Variants in NAALADL2 observed in about 807,000 individuals in gnomAD.
NAALADL2 encodes inactive N-acetylated-alpha-linked acidic dipeptidase-like protein 2.
NAALADL2 carries 76 observed loss-of-function variants against 87.2 expected under a neutral mutation model. The observed-to-expected ratio is 0.87, with a 90% CI of 0.72 to 1.05. The LOEUF (loss-of-function observed/expected upper bound fraction) is 1.05. Among genes scored for constraint, NAALADL2 ranks in the 50% least tolerant of loss-of-function variants. NAALADL2 has a pLI of 0.00. For missense variants in NAALADL2, 1,089 were observed against 945.8 expected (o/e 1.15, Z -1.99); for synonymous variants, 354 against 331.0 (o/e 1.07, Z -0.75).
At chr3:174,855,132 C>T (rs1349404502), upstream of NAALADL2, among the ~76,000 whole-genome samples, 2 of 152,142 alleles carry the variant, frequency 1.3e-5, no homozygotes, top group African/African-American at 4.8e-5. Flanking sequence ...AGTCACTGTG[C>T]CCGGCCTATG....
At chr3:175,512,574 G>C (rs906360799) in intron 9 of NAALADL2, among the ~76,000 whole-genome samples, 1 of 152,124 alleles carries the variant, frequency 6.6e-6, no homozygotes, top group African/African-American at 2.4e-5. Context: ...GGTGATAACA[G>C]ATCTGCTTTT....
intron 1 of NAALADL2, among the ~76,000 whole-genome samples, chr3:174,916,329 T>TAGA (rs1308432250): frequency 6.6e-6 from 1 of 151,984 alleles, no homozygotes; most frequent in Non-Finnish European, 1.5e-5. Context: ...GAACTAAAAG[T>TAGA]AGAACTACCA....
chr3:174,963,123 A>G (rs1742360478), intron 1 of NAALADL2, among the ~76,000 whole-genome samples: 1 of 152,104 alleles, frequency 6.6e-6, no homozygotes, highest in Admixed American at 6.6e-5. Flanking sequence ...TCAAATATAC[A>G]TTCTGTTTAG....
At chr3:174,896,776 G>A (rs1351739523) in intron 1 of NAALADL2, among the ~76,000 whole-genome samples, 6 of 152,024 alleles carry the variant, frequency 3.9e-5, no homozygotes, top group Non-Finnish European at 8.8e-5. Flanking sequence ...TTCATATTAC[G>A]ATACAGAACT....
intron 3 of NAALADL2, among the ~76,000 whole-genome samples, chr3:174,832,627 A>G (rs1579116517): frequency 6.6e-6 from 1 of 151,940 alleles, no homozygotes; most frequent in East Asian, 1.9e-4. Context: ...ACATCCGGCT[A>G]ATTTTGTTTT....
intron 11 of NAALADL2, among the ~76,000 whole-genome samples, chr3:175,633,952 C>T (rs535488127): frequency 1.3e-5 from 2 of 151,654 alleles, no homozygotes; most frequent in African/African-American, 4.8e-5. Context: ...GTATTGATTT[C>T]CATTATATAT....
chr3:175,154,520 G>A (rs540573132), intron 2 of NAALADL2, among the ~76,000 whole-genome samples: 2 of 152,112 alleles, frequency 1.3e-5, no homozygotes, highest in East Asian at 3.9e-4. Flanking sequence ...GTTGTTACTA[G>A]GATTACATAA....
At chr3:174,489,154 AT>A (rs1213525761) in intron 1 of NAALADL2, among the ~76,000 whole-genome samples, 3 of 151,874 alleles carry the variant, frequency 2.0e-5, no homozygotes, top group African/African-American at 7.3e-5. Context: ...TTCAGGCAAT[AT>A]TTTTTTCTTA....
chr3:174,985,439 T>G (rs1745723923), intron 1 of NAALADL2, among the ~76,000 whole-genome samples: 1 of 152,202 alleles, frequency 6.6e-6, no homozygotes, highest in African/African-American at 2.4e-5. Context: ...GAAAAATCTT[T>G]TGAGGTAGAT....
intron 3 of NAALADL2, among the ~76,000 whole-genome samples, chr3:174,795,222 C>T (rs1244504488): frequency 6.6e-6 from 1 of 151,534 alleles, no homozygotes; most frequent in Non-Finnish European, 1.5e-5. Context: ...GTCTCAAACT[C>T]CTGACCTCAG....
At chr3:175,343,261 CT>C (rs1762750899) in intron 5 of NAALADL2, among the ~76,000 whole-genome samples, 1 of 151,932 alleles carries the variant, frequency 6.6e-6, no homozygotes. Context: ...TATTAAAACC[CT>C]TTGCTACAGC....
At chr3:174,729,857 C>T (rs1297083406) in intron 2 of NAALADL2, among the ~76,000 whole-genome samples, 5 of 151,670 alleles carry the variant, frequency 3.3e-5, no homozygotes, top group Admixed American at 3.3e-4. Flanking sequence ...GAAATCATGG[C>T]AATTAGATAT....
At chr3:175,052,218 C>T (rs1755495960) in intron 1 of NAALADL2, among the ~76,000 whole-genome samples, 1 of 152,192 alleles carries the variant, frequency 6.6e-6, no homozygotes, top group Non-Finnish European at 1.5e-5. Flanking sequence ...TTAAGAACAT[C>T]TTTCAGTGGT....
chr3:174,462,366 T>A (rs1716269366), intron 1 of NAALADL2, among the ~76,000 whole-genome samples: 1 of 152,162 alleles, frequency 6.6e-6, no homozygotes, highest in Admixed American at 6.5e-5. Context: ...CCATTAGTTT[T>A]CACAAATCTG....
chr3:175,030,553 G>A (rs1159701189), intron 1 of NAALADL2, among the ~76,000 whole-genome samples: 1 of 151,982 alleles, frequency 6.6e-6, no homozygotes, highest in Admixed American at 6.6e-5. Context: ...TAGGATTTTA[G>A]TTTCTACATT....
At position 174,492,337 on chromosome 3, in the gene NAALADL2, G is replaced by T. The variant is rs528659319; in HGVS notation, c.-184+51305G>T. Among the ~76,000 whole-genome samples the T allele has an allele frequency of 1.2e-4, 19 of 152,022 alleles. 1 individual carries two copies. The South Asian group carries it at 3.9e-3, about 32-fold the overall frequency. On this transcript the variant is annotated intron_variant, in intron 1 of 3. Coordinates refer to the NAALADL2 transcript ENST00000434257. ...AGAGAATCTGGACACCATTTACTGGGTGCACAATTAGATGCTTTGAATTAT... is the reference window on the plus strand; with the variant it reads ...AGAGAATCTGGACACCATTTACTGGTTGCACAATTAGATGCTTTGAATTAT...
intron 2 of NAALADL2, among the ~76,000 whole-genome samples, chr3:175,153,600 TC>T (rs746045501): frequency 6.6e-5 from 10 of 152,200 alleles, no homozygotes; most frequent in Non-Finnish European, 1.3e-4. Flanking sequence ...ATTTTAGGGT[TC>T]AAGTAAATTT....
intron 11 of NAALADL2, among the ~76,000 whole-genome samples, chr3:175,666,679 C>T (rs571777861): frequency 1.8e-4 from 28 of 152,036 alleles, no homozygotes; most frequent in Admixed American, 1.5e-3. Context: ...GTCCCTGGAG[C>T]GTAACTATAC....
chr3:174,886,808 T>C (rs1376124343), intron 1 of NAALADL2, among the ~76,000 whole-genome samples: 1 of 152,228 alleles, frequency 6.6e-6, no homozygotes, highest in Non-Finnish European at 1.5e-5. Context: ...TAAATCTTAA[T>C]TGGGTTCCAG....
Sources: gnomAD v4.1 joint callset for allele counts (sites outside exome capture counted in the v4.1 genomes callset) on GRCh38, gnomAD v4.1.1 for gene constraint, MANE v1.5 for transcripts, NCBI Gene and HGNC (gene_info 2026-07-23, HGNC 2026-07-21) for gene names.